UBE2K: variants seen among roughly 807,000 people sequenced by gnomAD.
The protein encoded by UBE2K is ubiquitin conjugating enzyme E2 K, also known as ubiquitin-conjugating enzyme E2 K.
Under a neutral mutation model 30.0 loss-of-function variants are expected in UBE2K, and 6 were observed. That is an observed-to-expected ratio of 0.20 (90% confidence interval 0.11 to 0.39). The LOEUF is 0.39. Ranked by LOEUF, UBE2K falls within the 10% of genes least tolerant of loss-of-function variation. UBE2K has a pLI of 1.00. For synonymous variants in UBE2K, 86 were observed against 83.7 expected, an observed-to-expected ratio of 1.03 and a Z score of -0.15; for missense variants, 61 against 241.6, an observed-to-expected ratio of 0.25 and a Z score of 4.96.
At position 39,775,642 on chromosome 4, in the gene UBE2K, C is replaced by T. The variant is rs190316646; in HGVS notation, c.399+709C>T. 3.4e-4 allele frequency among the ~76,000 whole-genome samples: 52 copies of T among 152,228 alleles called. 1 individual carries two copies. The East Asian group carries it at 9.8e-3, about 29-fold the overall frequency. On this transcript the variant is annotated intron_variant, in intron 5 of 6. Coordinates refer to ENST00000261427, the MANE Select transcript of UBE2K (RefSeq NM_005339.5). ...TGGCACACACCTGTAGTCCCAGCTA[C>T]CTGAGAGGCTGAAGTGGGAGAATCG...
At chr4:39,739,032 A>G (rs1188389298) in intron 2 of UBE2K, among the ~76,000 whole-genome samples, 8 of 52,716 alleles carry the variant, frequency 1.5e-4, no homozygotes, top group East Asian at 1.1e-3. Flanking sequence ...TACCCAAAAC[A>G]CTTTTTTTTT....
rs1421597576 is a variant in UBE2K at position 39,711,578 on chromosome 4, AACTTT to A, written c.63+13189_63+13193del. Among the ~76,000 whole-genome samples the A allele has an allele frequency of 4.6e-5, 7 of 152,036 alleles. No homozygotes were observed. In the East Asian group the frequency reaches 1.3e-3, roughly 29 times the overall value. ...TTCCCTATTGATGGCATTTAATTCC[AACTTT>A]TAGATAAAAGGATGTACTGGACATT... On this transcript the variant is annotated intron_variant, in intron 1 of 6. Transcript: ENST00000261427.
chr4:39,771,630 T>C (rs1001371542), intron 4 of UBE2K, among the ~76,000 whole-genome samples: 123 of 151,546 alleles, frequency 8.1e-4, no homozygotes, highest in Non-Finnish European at 1.3e-3. Context: ...CGTAAAGGGG[T>C]AGGGGCGGGA....
intron 1 of UBE2K, among the ~76,000 whole-genome samples, chr4:39,704,090 C>G (rs539924415): frequency 6.8e-4 from 102 of 150,706 alleles, no homozygotes; most frequent in Non-Finnish European, 4.0e-4. Flanking sequence ...AGAATTTGAA[C>G]AGTTGTTTCT....
chr4:39,762,738 G>A (rs1364561993), intron 4 of UBE2K, among the ~76,000 whole-genome samples: 3 of 151,964 alleles, frequency 2.0e-5, no homozygotes, highest in East Asian at 3.9e-4. Context: ...GGGTTCAAGC[G>A]ATTCTCCTGC....
Position 39,773,916 on chromosome 4 carries a change from G to A in UBE2K, c.300-918G>A, listed in dbSNP as rs187223319. Reference sequence around the variant, plus strand: ...AGCCTGGGCGACAGAGTGAGACTCCGCCTCAAAACTAAACTAAACTAAACT... The same window carrying A: ...AGCCTGGGCGACAGAGTGAGACTCCACCTCAAAACTAAACTAAACTAAACT... On this transcript the variant is annotated intron_variant, in intron 4 of 6. Coordinates refer to ENST00000261427, the MANE Select transcript of UBE2K (RefSeq NM_005339.5). Among the ~76,000 whole-genome samples the A allele has an allele frequency of 2.6e-3, 399 of 151,744 alleles. 1 individual carries two copies. Among genetic ancestry groups the A allele is most frequent in the Non-Finnish European group, 4.4e-3 (299 of 67,896 alleles).
chr4:39,731,382 T>TA (rs1447640121), intron 1 of UBE2K, among the ~76,000 whole-genome samples: 2 of 152,078 alleles, frequency 1.3e-5, no homozygotes, highest in Admixed American at 1.3e-4. Flanking sequence ...TTGGGACTGT[T>TA]ATGTGCCATA....
intron 1 of UBE2K, among the ~76,000 whole-genome samples, chr4:39,715,809 T>A (rs543363929): frequency 5.3e-5 from 8 of 152,110 alleles, no homozygotes; most frequent in Non-Finnish European, 1.0e-4. Flanking sequence ...TGGCCTGACC[T>A]CCTGCTCTGG....
At chr4:39,751,109 GT>G (rs538025828) in intron 3 of UBE2K, among the ~76,000 whole-genome samples, 26 of 133,428 alleles carry the variant, frequency 1.9e-4, no homozygotes, top group Admixed American at 1.5e-4. Flanking sequence ...TTTTCTTCTT[GT>G]TTTTTTTTTT....
At chr4:39,716,034 A>G (rs1201547156) in intron 1 of UBE2K, among the ~76,000 whole-genome samples, 1 of 152,066 alleles carries the variant, frequency 6.6e-6, no homozygotes, top group Admixed American at 6.6e-5. Context: ...ATGTTCCTTC[A>G]GCATTTCCAT....
intron 1 of UBE2K, among the ~76,000 whole-genome samples, chr4:39,723,330 A>G (rs967942028): frequency 6.8e-6 from 1 of 147,840 alleles, no homozygotes; most frequent in South Asian, 2.1e-4. Flanking sequence ...TGCATGAGCC[A>G]TGAGCCATTG....
chr4:39,763,380 T>C (rs1170212612), intron 4 of UBE2K, among the ~76,000 whole-genome samples: 1 of 152,102 alleles, frequency 6.6e-6, no homozygotes, highest in African/African-American at 2.4e-5. Flanking sequence ...GCCTCCCAAG[T>C]AGCTGGGATT....
chr4:39,734,660 AC>A (rs113372857), intron 1 of UBE2K, among the ~76,000 whole-genome samples: 2 of 151,940 alleles, frequency 1.3e-5, no homozygotes, highest in African/African-American at 4.8e-5. Context: ...AAAATTTAAA[AC>A]TTTAGCCAGG....
intron 1 of UBE2K, among the ~76,000 whole-genome samples, chr4:39,705,881 G>A (rs1322326207): frequency 7.7e-5 from 11 of 143,638 alleles, no homozygotes; most frequent in Non-Finnish European, 1.1e-4. Flanking sequence ...ACGGAGTCTC[G>A]CTTTGTCACC....
At chr4:39,729,166 T>G (rs2109338403) in intron 1 of UBE2K, among the ~76,000 whole-genome samples, 1 of 152,148 alleles carries the variant, frequency 6.6e-6, no homozygotes, top group East Asian at 1.9e-4. Flanking sequence ...AGGCGGGGTT[T>G]CACCATGTTG....
intron 1 of UBE2K, among the ~76,000 whole-genome samples, chr4:39,706,205 A>T (rs527616773): frequency 1.7e-4 from 26 of 151,454 alleles, no homozygotes; most frequent in Admixed American, 5.3e-4. Context: ...TTTAGTAGAG[A>T]CGGGGTTTCA....
chr4:39,765,224 G>T (rs1243753847), intron 4 of UBE2K, among the ~76,000 whole-genome samples: 3 of 152,036 alleles, frequency 2.0e-5, no homozygotes, highest in Non-Finnish European at 1.5e-5. Flanking sequence ...AAAGTACACA[G>T]CATAAAATTT....
In UBE2K at chr4:39,698,201, G is replaced by C; in HGVS notation, c.-127G>C. ...GGCGAGCGCGGCGGCCGGGGTGGTA[G>C]TGGCAGTGTTCGTGTGCTCAGGTCT... On this transcript the variant is annotated 5_prime_UTR_variant, in exon 1 of 7. Coordinates refer to ENST00000261427, the MANE Select transcript of UBE2K (RefSeq NM_005339.5). 1 of 905,874 alleles carries C rather than the reference G, an allele frequency of 1.1e-6. No individual in the cohort carries two copies. The highest frequency in any genetic ancestry group is 2.0e-5 in the Admixed American group (1 of 49,998). 56.1% of individuals were successfully genotyped at this position (905,874 alleles called of 1,614,324 possible).
intron 1 of UBE2K, among the ~76,000 whole-genome samples, chr4:39,725,207 G>A (rs1342307393): frequency 1.3e-5 from 2 of 151,708 alleles, no homozygotes; most frequent in Non-Finnish European, 2.9e-5. Context: ...GAGACATGGC[G>A]AACCGTCTCT....
Sources: gnomAD v4.1 joint callset for allele counts (sites outside exome capture counted in the v4.1 genomes callset) on GRCh38, gnomAD v4.1.1 for gene constraint, MANE v1.5 for transcripts, NCBI Gene and HGNC (gene_info 2026-07-23, HGNC 2026-07-21) for gene names.